Variants in UACA observed in about 807,000 individuals in gnomAD.
The protein encoded by UACA is uveal autoantigen with coiled-coil domains and ankyrin repeats.
UACA carries 112 observed loss-of-function variants against 160.5 expected under a neutral mutation model. That is an observed-to-expected ratio of 0.70 (90% confidence interval 0.60 to 0.82). The LOEUF (loss-of-function observed/expected upper bound fraction) is 0.82. UACA is among the 40% of genes least tolerant of loss of function. The pLI is 0.00. For synonymous variants in UACA, 557 were observed against 568.4 expected, an observed-to-expected ratio of 0.98 and a Z score of 0.29; for missense variants, 1,574 against 1,614.6, an observed-to-expected ratio of 0.97 and a Z score of 0.43.
In UACA at chr15:70,667,434, T is replaced by C; in HGVS notation, c.3250A>G (p.Asn1084Asp). 1.2e-6 allele frequency: 2 copies of C among 1,610,260 alleles called. No individual in the cohort carries two copies. Among genetic ancestry groups the C allele is most frequent in the South Asian group, 1.1e-5 (1 of 90,550 alleles). Residue 1084 changes from asparagine (N) to aspartate (D), a missense_variant, in exon 16 of 19, where the codon AAT becomes GAT. Asn to Asp is a conservative substitution (Grantham distance 23, BLOSUM62 1). Coordinates refer to ENST00000322954, the MANE Select transcript of UACA (RefSeq NM_018003.4). Reference sequence around the variant, plus strand: ...TCTTCTACTAGCTTCTCTTTCACATTCTTTACTTCCGTGTATTTCTGTGAC... The same window carrying C: ...TCTTCTACTAGCTTCTCTTTCACATCCTTTACTTCCGTGTATTTCTGTGAC... ...DLSQKYTEVK[N>D]VKEKLVEENA...
intron 1 of UACA, among the ~76,000 whole-genome samples, chr15:70,705,799 C>T (rs1269772148): frequency 6.6e-6 from 1 of 151,950 alleles, no homozygotes; most frequent in Admixed American, 6.6e-5. Context: ...AACTTAAGTA[C>T]CCTGATTAAA....
Position 70,729,760 on chromosome 15 carries a change from G to C in UACA, c.79-30100C>G, listed in dbSNP as rs992315174. ...TGCATTTCCATCTGAGCTTTGAAGA[G>C]AGCAGTGGTTCTCCCAGCACGCAGC... On this transcript the variant is annotated intron_variant, in intron 1 of 18. Transcript: ENST00000322954. Among the ~76,000 whole-genome samples, 2 of 142,192 alleles carry C rather than the reference G, an allele frequency of 1.4e-5. 1 individual carries two copies. The highest frequency in any genetic ancestry group is 5.9e-5 in the African/African-American group (2 of 34,072). 93.3% of individuals were successfully genotyped at this position (142,192 alleles called of 152,430 possible). A position where few individuals can be genotyped will look rare whatever the true frequency, so the allele number is the denominator to read the frequency against.
At chr15:70,694,208 C>T (rs765986322) in intron 3 of UACA, among the ~76,000 whole-genome samples, 4 of 151,680 alleles carry the variant, frequency 2.6e-5, no homozygotes, top group Non-Finnish European at 4.4e-5. Flanking sequence ...GAATGTTTAT[C>T]CTGATAGATA....
intron 1 of UACA, among the ~76,000 whole-genome samples, chr15:70,736,099 T>C (rs1164000877): frequency 6.6e-6 from 1 of 152,234 alleles, no homozygotes; most frequent in African/African-American, 2.4e-5. Context: ...ATTATACTGA[T>C]AGATGTCTTT....
Position 70,687,522 on chromosome 15 carries a change from C to T in UACA, c.602+18G>A, listed in dbSNP as rs1044384532. On this transcript the variant is annotated intron_variant, in intron 7 of 18. Coordinates refer to ENST00000322954, the MANE Select transcript of UACA (RefSeq NM_018003.4). ...TGTGTATCCAGCTGGTATCTGGGAG[C>T]CATGATAAAAGAATTACCTGTTTTG... 1.9e-6 allele frequency: 3 copies of T among 1,610,132 alleles called. No individual in the cohort carries two copies. The African/African-American group carries it at 4.0e-5, about 22-fold the overall frequency.
At chr15:70,765,550 A>C (rs761330174), upstream of UACA, among the ~76,000 whole-genome samples, 3 of 152,190 alleles carry the variant, frequency 2.0e-5, no homozygotes, top group Non-Finnish European at 4.4e-5. Context: ...GAGCTGAGCA[A>C]ACCTTATTTC....
In UACA at chr15:70,706,832, T is replaced by C. The variant is rs970723710; in HGVS notation, c.79-7172A>G. On this transcript the variant is annotated intron_variant, in intron 1 of 18. Coordinates refer to ENST00000322954, the MANE Select transcript of UACA (RefSeq NM_018003.4). ...CTAAAGACATCCCAGGTTCACAAAT[T>C]TGGAAAACTGAATACCGTTAAGATG... Among the ~76,000 whole-genome samples the C allele has an allele frequency of 2.0e-5, 3 of 152,096 alleles. No homozygotes were observed. The South Asian group carries it at 6.2e-4, about 32-fold the overall frequency.
chr15:70,672,031 G>A (rs1182338367), intron 13 of UACA, 30 bp from the exon 14 acceptor site: 3 of 1,573,516 alleles, frequency 1.9e-6, no homozygotes, highest in Admixed American at 1.8e-5. Context: ...ATATTTTAGG[G>A]TGAATGCTGC....
In UACA at chr15:70,664,939, T is replaced by C. The variant is rs569531289; in HGVS notation, c.3961-125A>G. The C allele has an allele frequency of 1.2e-4, 93 of 798,944 alleles. No homozygotes were observed. In the South Asian group the frequency reaches 2.0e-3, roughly 17 times the overall value. 49.5% of individuals were successfully genotyped at this position (798,944 alleles called of 1,614,324 possible). A position where few individuals can be genotyped will look rare whatever the true frequency, so the allele number is the denominator to read the frequency against. ...CTTTATACACCAGAAAATTGAGGTA[T>C]GAATATTGCCAAGACTGTTACCAAG... On this transcript the variant is annotated intron_variant, in intron 16 of 18. Coordinates refer to ENST00000322954, the MANE Select transcript of UACA (RefSeq NM_018003.4).
chr15:70,676,980 G>T, intron 12 of UACA, 128 bp downstream of exon 12: 1 of 704,290 alleles, frequency 1.4e-6, no homozygotes, highest in Non-Finnish European at 2.3e-6. Flanking sequence ...TATAGATTTT[G>T]AATTTCCCTT....
chr15:70,669,468 AAG>A lies in UACA; in HGVS notation c.1222-8_1222-7del. 6.5e-7 allele frequency: 1 copy of A among 1,537,476 alleles called. No individual in the cohort carries two copies. ...GGTATACCTGGGGAAGTACACTGAA[AAG>A]AAAAAAAAAAAGACATCAATCACAA... On this transcript the variant is annotated splice_polypyrimidine_tract_variant and splice_region_variant and intron_variant, in intron 15 of 18. Transcript: ENST00000322954.
At chr15:70,722,921 C>A (rs1899035075) in intron 1 of UACA, among the ~76,000 whole-genome samples, 1 of 152,110 alleles carries the variant, frequency 6.6e-6, no homozygotes, top group African/African-American at 2.4e-5. Flanking sequence ...CTAAAAACAT[C>A]TTTAAGAACC....
At chr15:70,769,334 G>A in the UACA span, among the ~76,000 whole-genome samples, 2 of 73,392 alleles carry the variant, frequency 2.7e-5, no homozygotes, top group East Asian at 4.3e-4. Context: ...GTGAGACTCC[G>A]ACTCAAAAAA....
At chr15:70,769,571 CAT>C in the UACA span, among the ~76,000 whole-genome samples, 10 of 150,930 alleles carry the variant, frequency 6.6e-5, no homozygotes, top group South Asian at 2.1e-4. Context: ...TATTTTATAT[CAT>C]ATAAAATTAT....
chr15:70,729,747 T>C lies in UACA; in HGVS notation c.79-30087A>G, dbSNP rs148951230. Among the ~76,000 whole-genome samples the C allele has an allele frequency of 1.5e-4, 21 of 142,824 alleles. 3 individuals carry two copies. Among genetic ancestry groups the C allele is most frequent in the African/African-American group, 6.1e-4 (21 of 34,394 alleles). 93.7% of individuals were successfully genotyped at this position (142,824 alleles called of 152,430 possible). ...AGACGGTGATTTCTGCATTTCCATC[T>C]GAGCTTTGAAGAGAGCAGTGGTTCT... On this transcript the variant is annotated intron_variant, in intron 1 of 18. Coordinates refer to ENST00000322954, the MANE Select transcript of UACA (RefSeq NM_018003.4).
intron 1 of UACA, among the ~76,000 whole-genome samples, chr15:70,741,131 A>T (rs956324643): frequency 6.6e-6 from 1 of 152,194 alleles, no homozygotes; most frequent in Admixed American, 6.5e-5. Context: ...ATAAGGAGGG[A>T]CTCACTGTCA....
intron 18 of UACA, among the ~76,000 whole-genome samples, chr15:70,659,392 TTTG>T (rs1485703342): frequency 2.6e-5 from 3 of 116,348 alleles, no homozygotes; most frequent in East Asian, 2.3e-4. Context: ...TCATTTTTTG[TTTG>T]TTTTTTTTTT....
rs1346280248 is a variant in UACA, at chr15:70,679,511, T to C, written c.891+97A>G. 4 of 734,092 alleles carry C rather than the reference T, an allele frequency of 5.4e-6. No individual in the cohort carries two copies. In the African/African-American group the frequency reaches 7.4e-5, roughly 14 times the overall value. The allele number at this position is 734,092 out of a possible 1,614,324, so 45.5% of individuals were successfully genotyped here. Reference sequence around the variant, plus strand: ...AGCTTCCCTTTCTTTGCCCCACTCATTTCACCCATTCTCTTGCTTCCTCTC... The same window carrying C: ...AGCTTCCCTTTCTTTGCCCCACTCACTTCACCCATTCTCTTGCTTCCTCTC... On this transcript the variant is annotated intron_variant, in intron 10 of 18. Transcript: ENST00000322954.
intron 1 of UACA, among the ~76,000 whole-genome samples, chr15:70,735,173 G>GAAAAAAAAAAAAAT (rs1899326188): frequency 2.0e-5 from 1 of 50,688 alleles, no homozygotes; most frequent in Non-Finnish European, 5.5e-5. Context: ...AAAAAAAAAA[G>GAAAAAAAAAAAAAT]ATGGGAACAA....
Sources: gnomAD v4.1 joint callset for allele counts (sites outside exome capture counted in the v4.1 genomes callset) on GRCh38, gnomAD v4.1.1 for gene constraint, MANE v1.5 for transcripts, NCBI Gene and HGNC (gene_info 2026-07-23, HGNC 2026-07-21) for gene names.